The following POU2F1 variants were observed in gnomAD, a reference collection of about 807,000 sequenced individuals.
POU2F1 encodes the protein POU class 2 homeobox 1.
POU2F1 carries 16 observed loss-of-function variants against 84.9 expected under a neutral mutation model. The observed-to-expected ratio is 0.19, with a 90% CI of 0.13 to 0.29. POU2F1 has a LOEUF of 0.29. Among genes scored for constraint, POU2F1 ranks in the 10% least tolerant of loss-of-function variants. The pLI is 1.00. For missense variants in POU2F1, 738 were observed against 942.6 expected, an observed-to-expected ratio of 0.78 and a Z score of 2.84; for synonymous variants, 368 against 368.3, an observed-to-expected ratio of 1.00 and a Z score of 0.01.
At chr1:167,252,988 A>G (rs1421046740) in intron 1 of POU2F1, among the ~76,000 whole-genome samples, 1 of 152,212 alleles carries the variant, frequency 6.6e-6, no homozygotes, top group Admixed American at 6.5e-5. Flanking sequence ...ATTCAGATTT[A>G]CATAATCTAA....
chr1:167,395,313 G>A (rs1648728897), intron 9 of POU2F1, among the ~76,000 whole-genome samples: 1 of 152,122 alleles, frequency 6.6e-6, no homozygotes, highest in Non-Finnish European at 1.5e-5. Flanking sequence ...TTGACTAAAT[G>A]GGTCAAACCT....
intron 2 of POU2F1, among the ~76,000 whole-genome samples, chr1:167,364,558 C>A (rs1571375481): frequency 1.6e-5 from 1 of 62,754 alleles, no homozygotes; most frequent in Non-Finnish European, 3.2e-5. Context: ...TCTTGCATAA[C>A]ATTTTTTTTT....
intron 1 of POU2F1, among the ~76,000 whole-genome samples, chr1:167,306,872 T>A (rs1320893887): frequency 6.6e-6 from 1 of 152,170 alleles, no homozygotes; most frequent in African/African-American, 2.4e-5. Flanking sequence ...AAGGTCGTAT[T>A]TACAGGTATA....
intron 1 of POU2F1, among the ~76,000 whole-genome samples, chr1:167,272,344 T>C (rs1290788890): frequency 1.4e-5 from 2 of 147,686 alleles, no homozygotes; most frequent in East Asian, 3.9e-4. Context: ...TGGCTGGGAA[T>C]GTTCTTACTC....
chr1:167,301,247 T>A (rs1439649411), intron 1 of POU2F1, among the ~76,000 whole-genome samples: 1 of 152,178 alleles, frequency 6.6e-6, no homozygotes, highest in Non-Finnish European at 1.5e-5. Context: ...CACTTAAAAT[T>A]TTATGTTTCT....
intron 1 of POU2F1, among the ~76,000 whole-genome samples, chr1:167,263,728 A>G (rs1182583340): frequency 6.6e-6 from 1 of 152,174 alleles, no homozygotes; most frequent in African/African-American, 2.4e-5. Context: ...GCCCTCCCTC[A>G]TTCATCTCTC....
At chr1:167,379,014 C>G (rs1268011289) in intron 7 of POU2F1, 1 of 152,036 alleles carries the variant, frequency 6.6e-6, no homozygotes, top group Admixed American at 6.6e-5. Context: ...GTCCCAGCCT[C>G]TTGGGATCAA....
rs879658759 is a variant in POU2F1, at chr1:167,322,952, C to T, written c.62-9518C>T. On this transcript the variant is annotated intron_variant, in intron 1 of 15. Transcript: ENST00000367866. ...AGCCAAGTGTTCCTTGCCGTCATTC[C>T]GGTAAACCAACAACCTTCAGCATGG... 5.9e-5 allele frequency among the ~76,000 whole-genome samples: 9 copies of T among 152,176 alleles called. No individual in the cohort carries two copies. In the South Asian group the frequency reaches 8.3e-4, roughly 14 times the overall value.
chr1:167,332,429 CCA>C lies in POU2F1; in HGVS notation c.62-40_62-39del, dbSNP rs1186233277. The C allele has an allele frequency of 1.9e-5, 29 of 1,516,856 alleles. No homozygotes were observed. The Admixed American group carries it at 4.9e-4, about 25-fold the overall frequency. The allele number at this position is 1,516,856 out of a possible 1,614,324, so 94.0% of individuals were successfully genotyped here. A position where few individuals can be genotyped will look rare whatever the true frequency, so the allele number is the denominator to read the frequency against. On this transcript the variant is annotated intron_variant, in intron 1 of 15. Coordinates refer to ENST00000367866, the MANE Select transcript of POU2F1 (RefSeq NM_002697.4). ...TGCCTCCTCAATCCCATCTCCATCC[CCA>C]GTTTTTTAAAAACCTTATTCTCCTC...
intron 2 of POU2F1, among the ~76,000 whole-genome samples, chr1:167,337,698 A>T (rs551826617): frequency 6.6e-6 from 1 of 152,042 alleles, no homozygotes; most frequent in African/African-American, 2.4e-5. Context: ...CCTGCAAAAA[A>T]AAAAAAAAGA....
In POU2F1 at chr1:167,422,094, G is replaced by A. The variant is rs1177170744; in HGVS notation, c.*6284G>A. On this transcript the variant is annotated 3_prime_UTR_variant, in exon 16 of 16. Coordinates refer to ENST00000367866, the MANE Select transcript of POU2F1 (RefSeq NM_002697.4). Reference sequence around the variant, plus strand: ...ATGCAGGTAACATATGGGGTGTCCAGTAGGTTCAGGGACCCTGAGGGTGCA... The same window carrying A: ...ATGCAGGTAACATATGGGGTGTCCAATAGGTTCAGGGACCCTGAGGGTGCA... 1 of 152,244 alleles carries A rather than the reference G, an allele frequency of 6.6e-6. No individual in the cohort carries two copies. Among genetic ancestry groups the A allele is most frequent in the Non-Finnish European group, 1.5e-5 (1 of 68,066 alleles). The allele number at this position is 152,244 out of a possible 1,614,324, so 9.4% of individuals were successfully genotyped here.
At chr1:167,221,109 G>T (rs1648093242) in intron 1 of POU2F1, among the ~76,000 whole-genome samples, 151 bp downstream of exon 1, 1 of 150,520 alleles carries the variant, frequency 6.6e-6, no homozygotes, top group Non-Finnish European at 1.5e-5. Context: ...AGCCCCCGCC[G>T]GGCGCTGAGC....
chr1:167,367,086 G>C (rs1659725839), intron 3 of POU2F1, among the ~76,000 whole-genome samples: 1 of 152,024 alleles, frequency 6.6e-6, no homozygotes, highest in African/African-American at 2.4e-5. Context: ...ATACCACCCA[G>C]ACCAAAGGAC....
intron 7 of POU2F1, among the ~76,000 whole-genome samples, chr1:167,381,669 G>A (rs969256097): frequency 2.9e-5 from 4 of 138,012 alleles, no homozygotes; most frequent in Non-Finnish European, 6.1e-5. Flanking sequence ...GGAGTACAGT[G>A]GCGCAGTCTT....
At chr1:167,361,102 G>C (rs918646850) in intron 2 of POU2F1, among the ~76,000 whole-genome samples, 4 of 151,972 alleles carry the variant, frequency 2.6e-5, no homozygotes, top group African/African-American at 9.7e-5. Context: ...GGTTTATCAG[G>C]TCTAGGAGTC....
chr1:167,278,818 A>G (rs1279498609), intron 1 of POU2F1, among the ~76,000 whole-genome samples: 1 of 152,106 alleles, frequency 6.6e-6, no homozygotes, highest in Non-Finnish European at 1.5e-5. Flanking sequence ...AATAGAATTT[A>G]ATAAAATTCT....
At chr1:167,345,865 G>A (rs1658156892) in intron 2 of POU2F1, among the ~76,000 whole-genome samples, 1 of 118,372 alleles carries the variant, frequency 8.4e-6, no homozygotes, top group African/African-American at 3.1e-5. Flanking sequence ...CTACAATTAA[G>A]AATAAAGTTA....
At chr1:167,322,882 TGTTTGTGGTTCAG>T (rs1294875728) in intron 1 of POU2F1, among the ~76,000 whole-genome samples, 1 of 152,246 alleles carries the variant, frequency 6.6e-6, no homozygotes, top group African/African-American at 2.4e-5. Context: ...CTCATACTAT[TGTTTGTGGTTCAG>T]GAACACCTTA....
At chr1:167,264,875 T>A (rs891567400) in intron 1 of POU2F1, among the ~76,000 whole-genome samples, 6 of 152,228 alleles carry the variant, frequency 3.9e-5, no homozygotes, top group African/African-American at 1.4e-4. Flanking sequence ...TTACTCGGAG[T>A]AAATCTCCGA....
Sources: gnomAD v4.1 joint callset for allele counts (sites outside exome capture counted in the v4.1 genomes callset) on GRCh38, gnomAD v4.1.1 for gene constraint, MANE v1.5 for transcripts, NCBI Gene and HGNC (gene_info 2026-07-23, HGNC 2026-07-21) for gene names.